Variants in STYXL2 observed in about 807,000 individuals in gnomAD.
The protein encoded by STYXL2 is serine/threonine/tyrosine-interacting-like protein 2.
STYXL2 carries 44 observed loss-of-function variants against 52.4 expected under a neutral mutation model. The observed-to-expected ratio is 0.84, with a 90% CI of 0.66 to 1.08. The LOEUF (loss-of-function observed/expected upper bound fraction) is 1.08, where lower values mean the gene tolerates loss of function less well. Among genes scored for constraint, STYXL2 ranks in the 50% least tolerant of loss-of-function variants. The pLI, the probability that STYXL2 is intolerant of heterozygous loss-of-function variation, is 0.00. For missense variants in STYXL2, 1,604 were observed against 1,471.7 expected, an observed-to-expected ratio of 1.09 and a Z score of -1.47; for synonymous variants, 604 against 586.9, an observed-to-expected ratio of 1.03 and a Z score of -0.42.
At chr1:167,098,946 G>A (rs1297438279) in intron 2 of STYXL2, among the ~76,000 whole-genome samples, 1 of 152,144 alleles carries the variant, frequency 6.6e-6, no homozygotes, top group Non-Finnish European at 1.5e-5. Context: ...AAATGTCCAT[G>A]AAGTTTCAAG....
chr1:167,126,172 G>A lies in STYXL2; in HGVS notation c.1041G>A (p.Glu347=), dbSNP rs1422563296. 6.6e-7 allele frequency: 1 copy of A among 1,516,530 alleles called. No individual in the cohort carries two copies. The highest frequency in any genetic ancestry group is 8.8e-7 in the Non-Finnish European group (1 of 1,135,150). 93.9% of individuals were successfully genotyped at this position (1,516,530 alleles called of 1,614,324 possible). ...KPLTLIDEEE[E]EKLYEQWKKG... The stretch of plus-strand genomic sequence containing the variant: ...TCACCCTCATAGACGAGGAGGAGGA[G>A]GAGAAACTGTACGAGCAGTGGAAGA... The change falls in exon 6 of 6, where the codon GAG becomes GAA. Residue 347 remains glutamate, a synonymous_variant. Transcript: ENST00000361200.
Position 167,126,092 on chromosome 1 carries a change from G to C in STYXL2, c.961G>C (p.Ala321Pro), listed in dbSNP as rs199963325. The C allele has an allele frequency of 7.2e-6, 11 of 1,525,820 alleles. No homozygotes were observed. The South Asian group carries it at 7.8e-5, about 11-fold the overall frequency. 94.5% of individuals were successfully genotyped at this position (1,525,820 alleles called of 1,614,324 possible). A position where few individuals can be genotyped will look rare whatever the true frequency, so the allele number is the denominator to read the frequency against. ...ALTVEEEDDSASHLSGSSLGK... is the reference protein window; with the variant it reads ...ALTVEEEDDSPSHLSGSSLGK... ...GACGGTGGAAGAGGAGGACGACAGC[G>C]CCAGCCACCTGAGTGGCTCCTCCCT... Residue 321 changes from alanine (A) to proline (P), a missense_variant, in exon 6 of 6, where the codon GCC becomes CCC. Transcript: ENST00000361200.
chr1:167,127,326 G>A lies in STYXL2; in HGVS notation c.2195G>A (p.Ser732Asn). Residue 732 changes from serine to asparagine, a missense_variant, in exon 6 of 6, where the codon AGT (serine) becomes AAT (asparagine). Coordinates refer to ENST00000361200, the MANE Select transcript of STYXL2 (RefSeq NM_001080426.3). ...CAGAACTGGATTGCCAATGTAGTCA[G>A]TGAGACCCTTGCTCAGAAGCAAAAT... ...SIQNWIANVVSETLAQKQNEM... is the reference protein window; with the variant it reads ...SIQNWIANVVNETLAQKQNEM... 1.9e-6 allele frequency: 3 copies of A among 1,614,220 alleles called. No individual in the cohort carries two copies. In the African/African-American group the frequency reaches 4.0e-5, roughly 22 times the overall value.
At position 167,127,693 on chromosome 1, in the gene STYXL2, CA is replaced by C; in HGVS notation, c.2566del (p.Met856TrpfsTer38). 2 of 1,613,978 alleles carry C rather than the reference CA, an allele frequency of 1.2e-6. No homozygotes were observed. Among genetic ancestry groups the C allele is most frequent in the Non-Finnish European group, 1.7e-6 (2 of 1,180,004 alleles). On this transcript the variant is annotated frameshift_variant, in exon 6 of 6. Coordinates refer to ENST00000361200, the MANE Select transcript of STYXL2 (RefSeq NM_001080426.3). LOFTEE classifies it high-confidence loss of function. ...MELREKMSEYKMEKLASDNKR... is the reference protein window; with the variant it reads ...MELREKMSEYXMEKLASDNKR... ...AGCTTAGGGAGAAGATGTCTGAGTA[CA>C]AAATGGAAAAGCTGGCCTCAGACAA...
chr1:167,113,414 A>G (rs1207708234), intron 2 of STYXL2, among the ~76,000 whole-genome samples: 2 of 152,236 alleles, frequency 1.3e-5, no homozygotes, highest in African/African-American at 2.4e-5. Context: ...GTGAAGCCAC[A>G]TCAGGGTGGG....
At chr1:167,112,733 T>C (rs1048061958) in intron 2 of STYXL2, among the ~76,000 whole-genome samples, 1 of 152,204 alleles carries the variant, frequency 6.6e-6, no homozygotes, top group African/African-American at 2.4e-5. Flanking sequence ...TTCTTAACCT[T>C]TCTGAGCCAC....
At chr1:167,120,719 C>T (rs1221173472) in intron 5 of STYXL2, among the ~76,000 whole-genome samples, 1 of 151,492 alleles carries the variant, frequency 6.6e-6, no homozygotes, top group African/African-American at 2.4e-5. Flanking sequence ...TGGGCTCAAG[C>T]GATCCTCCCA....
At chr1:167,119,186 C>T in intron 4 of STYXL2, 63 bp from the exon 5 acceptor site, 1 of 1,515,656 alleles carries the variant, frequency 6.6e-7, no homozygotes, top group South Asian at 1.2e-5. Flanking sequence ...GGCTCACCGT[C>T]ACAGTGGTGA....
chr1:167,117,681 C>G (rs1667758090), intron 4 of STYXL2, 122 bp downstream of exon 4: 1 of 853,078 alleles, frequency 1.2e-6, no homozygotes, highest in African/African-American at 1.7e-5. Flanking sequence ...ATGAGGCTGC[C>G]TAGCCACTTA....
intron 2 of STYXL2, among the ~76,000 whole-genome samples, chr1:167,096,936 C>T (rs935962983): frequency 5.9e-5 from 9 of 152,218 alleles, no homozygotes; most frequent in Non-Finnish European, 1.2e-4. Flanking sequence ...TTCTGTCCCT[C>T]AGGCCTGAAT....
chr1:167,115,942 A>T (rs996803224), intron 3 of STYXL2, among the ~76,000 whole-genome samples: 2 of 152,130 alleles, frequency 1.3e-5, no homozygotes, highest in African/African-American at 4.8e-5. Context: ...GTCCATGAGC[A>T]ACAAGCCCTG....
At chr1:167,105,823 C>G (rs1294810768) in intron 2 of STYXL2, among the ~76,000 whole-genome samples, 2 of 152,138 alleles carry the variant, frequency 1.3e-5, no homozygotes, top group African/African-American at 4.8e-5. Flanking sequence ...TAATACGGAG[C>G]AGAGTTTAAT....
chr1:167,124,157 A>C (rs1667914893), intron 5 of STYXL2, among the ~76,000 whole-genome samples: 1 of 152,024 alleles, frequency 6.6e-6, no homozygotes, highest in East Asian at 1.9e-4. Context: ...GCGATCCTCT[A>C]ACTTGTCCTC....
chr1:167,126,751 G>A lies in STYXL2; in HGVS notation c.1620G>A (p.Lys540=). ...ACTTCTGCAGCAGGAACAAGGACAA[G>A]CTCACTGCCCTGGAAAGATGGAAGA... ...FYNFCSRNKD[K]LTALERWKIK... Residue 540 remains lysine (K), a synonymous_variant, in exon 6 of 6, where the codon AAG becomes AAA. Transcript: ENST00000361200. 1 of 1,614,228 alleles carries A rather than the reference G, an allele frequency of 6.2e-7. No individual in the cohort carries two copies. The highest frequency in any genetic ancestry group is 1.1e-5 in the South Asian group (1 of 91,090).
Position 167,126,993 on chromosome 1 carries a change from A to C in STYXL2, c.1862A>C (p.Lys621Thr), listed in dbSNP as rs772284726. ...AAGGGGGAGGACTCGGCCTTGGCTA[A>C]GAAGAGACAACGGAGGCTGGAGCTG... ...LSKGEDSALA[K>T]KRQRRLELLE... The change falls in exon 6 of 6, where the codon AAG (lysine) becomes ACG (threonine). Residue 621 changes from lysine (K) to threonine (T), a missense_variant. Lys to Thr is a moderately conservative substitution (Grantham distance 78). Transcript: ENST00000361200. The C allele has an allele frequency of 3.2e-5, 51 of 1,608,330 alleles. No individual in the cohort carries two copies. The South Asian group carries it at 5.5e-4, about 17-fold the overall frequency.
At chr1:167,097,941 T>C (rs1381827094) in intron 2 of STYXL2, among the ~76,000 whole-genome samples, 1 of 151,878 alleles carries the variant, frequency 6.6e-6, no homozygotes, top group Non-Finnish European at 1.5e-5. Context: ...GGTAGGATGA[T>C]TGCTTGAGGC....
intron 2 of STYXL2, among the ~76,000 whole-genome samples, chr1:167,101,359 C>A (rs1667399730): frequency 6.6e-6 from 1 of 152,132 alleles, no homozygotes. Flanking sequence ...GTACTTGGGA[C>A]AATCTTATAT....
intron 2 of STYXL2, among the ~76,000 whole-genome samples, chr1:167,106,240 C>A (rs994216753): frequency 6.6e-6 from 1 of 152,162 alleles, no homozygotes; most frequent in Non-Finnish European, 1.5e-5. Context: ...TCCTGGCAGT[C>A]CCACCTGCTG....
At chr1:167,094,632 C>G (rs1189585238) in intron 1 of STYXL2, among the ~76,000 whole-genome samples, 1 of 151,996 alleles carries the variant, frequency 6.6e-6, no homozygotes, top group Non-Finnish European at 1.5e-5. Context: ...AAGGTGGGCT[C>G]CTAATATGGC....
Sources: gnomAD v4.1 joint callset for allele counts (sites outside exome capture counted in the v4.1 genomes callset) on GRCh38, gnomAD v4.1.1 for gene constraint, MANE v1.5 for transcripts, NCBI Gene and HGNC (gene_info 2026-07-23, HGNC 2026-07-21) for gene names.